Variants in RNF24 observed in about 807,000 individuals in gnomAD.
RNF24 encodes ring finger protein 24.
Under a neutral mutation model 20.0 loss-of-function variants are expected in RNF24, and 14 were observed. The observed-to-expected ratio is 0.70, with a 90% CI of 0.46 to 1.10. The LOEUF is 1.10. Ranked by LOEUF, RNF24 falls within the 50% of genes least tolerant of loss-of-function variation. The pLI is 0.00. For synonymous variants in RNF24, 45 were observed against 61.1 expected, an observed-to-expected ratio of 0.74 and a Z score of 1.23; for missense variants, 124 against 177.6, an observed-to-expected ratio of 0.70 and a Z score of 1.71.
intron 1 of RNF24, among the ~76,000 whole-genome samples, chr20:3,979,067 C>G (rs1182207008): frequency 6.8e-6 from 1 of 147,796 alleles, no homozygotes; most frequent in African/African-American, 2.5e-5. Flanking sequence ...GCACTCAAGC[C>G]TAGGCAAAAG....
intron 1 of RNF24, among the ~76,000 whole-genome samples, chr20:3,985,254 C>A (rs1979785042): frequency 6.6e-6 from 1 of 152,026 alleles, no homozygotes; most frequent in African/African-American, 2.4e-5. Context: ...TAATTCTAAC[C>A]AGATGTATAT....
At chr20:3,970,689 A>G (rs2147002575) in intron 1 of RNF24, among the ~76,000 whole-genome samples, 1 of 152,278 alleles carries the variant, frequency 6.6e-6, no homozygotes, top group Middle Eastern at 3.4e-3. Flanking sequence ...ACAATAATTG[A>G]AATAAAAAAA....
chr20:4,010,131 T>C (rs1217226464), intron 1 of RNF24, among the ~76,000 whole-genome samples: 1 of 151,794 alleles, frequency 6.6e-6, no homozygotes, highest in Non-Finnish European at 1.5e-5. Context: ...TCCCAGCACT[T>C]TGGGAGGCTG....
chr20:3,975,607 C>T (rs776793548), intron 1 of RNF24, among the ~76,000 whole-genome samples: 23 of 152,120 alleles, frequency 1.5e-4, no homozygotes, highest in Non-Finnish European at 2.6e-4. Flanking sequence ...GATATAACTC[C>T]CAGTACCTCT....
rs185130731 is a variant in RNF24 at position 3,997,093 on chromosome 20, G to T, written c.-8+18344C>A. Among the ~76,000 whole-genome samples, 692 of 151,810 alleles carry T rather than the reference G, an allele frequency of 4.6e-3. 14 individuals carry two copies. Among genetic ancestry groups the T allele is most frequent in the Admixed American group, 0.03 (457 of 15,246 alleles). ...ATACAAAAATTAGCCAGGCGTGGTG[G>T]TGGGTGCCTGTAGTCCCAGCTACTC... is the stretch of plus-strand genomic sequence containing the variant. On this transcript the variant is annotated intron_variant, in intron 1 of 5. Coordinates refer to ENST00000358395, the MANE Select transcript of RNF24 (RefSeq NM_001134337.3).
At chr20:3,981,131 A>G (rs1204904304) in intron 1 of RNF24, among the ~76,000 whole-genome samples, 1 of 151,652 alleles carries the variant, frequency 6.6e-6, no homozygotes, top group East Asian at 1.9e-4. Context: ...TTGGGCTGTT[A>G]TTTTTCTCAA....
chr20:4,009,737 T>A (rs1982284776), intron 1 of RNF24, among the ~76,000 whole-genome samples: 1 of 152,180 alleles, frequency 6.6e-6, no homozygotes, highest in Admixed American at 6.5e-5. Flanking sequence ...CTACTTCGGA[T>A]TTTTGGTCAT....
intron 2 of RNF24, among the ~76,000 whole-genome samples, chr20:3,959,338 T>C (rs888487490): frequency 1.3e-5 from 2 of 152,238 alleles, no homozygotes; most frequent in Admixed American, 6.5e-5. Context: ...CATTAATTTC[T>C]GTTTATTTTC....
At chr20:3,935,373 C>G (rs918483192) in intron 4 of RNF24, among the ~76,000 whole-genome samples, 1 of 152,172 alleles carries the variant, frequency 6.6e-6, no homozygotes, top group African/African-American at 2.4e-5. Context: ...GGGTTACTCT[C>G]ACATCTGCCA....
intron 4 of RNF24, among the ~76,000 whole-genome samples, chr20:3,935,578 G>A (rs2090880790): frequency 6.6e-6 from 1 of 152,206 alleles, no homozygotes; most frequent in African/African-American, 2.4e-5. Context: ...TCCCACTTTG[G>A]CACTGTCCTT....
At chr20:3,946,251 GAT>G (rs1417432265) in intron 3 of RNF24, among the ~76,000 whole-genome samples, 2 of 152,112 alleles carry the variant, frequency 1.3e-5, no homozygotes, top group Non-Finnish European at 2.9e-5. Context: ...CGGACTGCTT[GAT>G]CCCAGGAGTT....
rs2090776858 is a variant in RNF24, at chr20:3,929,034, A to AG, written c.*5028dup. Reference sequence around the variant, plus strand: ...CGGCAAATTTTTGTATTTTTAGTAGAGGGGGTTTCACCATATTGGTCAGGC... The same window carrying AG: ...CGGCAAATTTTTGTATTTTTAGTAGAGGGGGGTTTCACCATATTGGTCAGGC... On this transcript the variant is annotated 3_prime_UTR_variant, in exon 6 of 6. Coordinates refer to ENST00000358395, the MANE Select transcript of RNF24 (RefSeq NM_001134337.3). The AG allele has an allele frequency of 1.3e-5, 2 of 152,056 alleles. No homozygotes were observed. Among genetic ancestry groups the AG allele is most frequent in the African/African-American group, 2.4e-5 (1 of 41,454 alleles). The allele number at this position is 152,056 out of a possible 1,614,324, so 9.4% of individuals were successfully genotyped here. A position where few individuals can be genotyped will look rare whatever the true frequency, so the allele number is the denominator to read the frequency against.
chr20:4,008,464 A>G (rs1982135295), intron 1 of RNF24, among the ~76,000 whole-genome samples: 1 of 102,726 alleles, frequency 9.7e-6, no homozygotes, highest in Non-Finnish European at 2.0e-5. Context: ...TATATAATAT[A>G]TAATATGTAT....
At chr20:3,982,578 CA>C (rs755663389) in intron 1 of RNF24, among the ~76,000 whole-genome samples, 100 of 104,912 alleles carry the variant, frequency 9.5e-4, no homozygotes, top group African/African-American at 1.9e-3. Context: ...GACTCTGTCT[CA>C]AAAAAAAAAA....
At chr20:3,996,588 C>T (rs1441423748) in intron 1 of RNF24, among the ~76,000 whole-genome samples, 1 of 152,114 alleles carries the variant, frequency 6.6e-6, no homozygotes, top group African/African-American at 2.4e-5. Flanking sequence ...CCCTTTCTTC[C>T]ACTTAATTAG....
intron 2 of RNF24, among the ~76,000 whole-genome samples, chr20:3,958,201 A>C (rs1207491743): frequency 6.6e-6 from 1 of 152,090 alleles, no homozygotes; most frequent in Non-Finnish European, 1.5e-5. Context: ...TAATATTGCT[A>C]TCTCTCTTAT....
At chr20:4,000,907 C>T (rs1016676068) in intron 1 of RNF24, among the ~76,000 whole-genome samples, 9 of 152,182 alleles carry the variant, frequency 5.9e-5, no homozygotes, top group South Asian at 2.1e-4. Flanking sequence ...GAATCCCACA[C>T]GCTTTTCTGT....
intron 2 of RNF24, 25 bp from the exon 3 acceptor site, chr20:3,948,304 A>C (rs779601706): frequency 6.6e-7 from 1 of 1,511,918 alleles, no homozygotes; most frequent in Non-Finnish European, 9.0e-7. Context: ...TTAGTAATGC[A>C]ATATTGAGAT....
intron 4 of RNF24, among the ~76,000 whole-genome samples, chr20:3,939,237 TC>T (rs1568614965): frequency 6.6e-6 from 1 of 152,086 alleles, no homozygotes; most frequent in Non-Finnish European, 1.5e-5. Context: ...CAAGGGAGCT[TC>T]CCCCTCAGCC....
Sources: gnomAD v4.1 joint callset for allele counts (sites outside exome capture counted in the v4.1 genomes callset) on GRCh38, gnomAD v4.1.1 for gene constraint, MANE v1.5 for transcripts, NCBI Gene and HGNC (gene_info 2026-07-23, HGNC 2026-07-21) for gene names.